Variants in XRCC4 observed in about 807,000 individuals in gnomAD.
The protein encoded by XRCC4 is DNA repair protein XRCC4.
In XRCC4, 28 loss-of-function variants were observed where a neutral mutation model predicts 39.1. The observed-to-expected ratio is 0.72, with a 90% confidence interval of 0.53 to 0.98. The LOEUF is 0.98. Ranked by LOEUF, XRCC4 falls within the 50% of genes least tolerant of loss-of-function variation. XRCC4 has a pLI of 0.00. For synonymous variants in XRCC4, 123 were observed against 126.4 expected, an observed-to-expected ratio of 0.97 and a Z score of 0.18; for missense variants, 350 against 376.4, an observed-to-expected ratio of 0.93 and a Z score of 0.58.
intron 6 of XRCC4, among the ~76,000 whole-genome samples, chr5:83,226,001 G>T (rs1752274832): frequency 6.6e-6 from 1 of 151,984 alleles, no homozygotes; most frequent in African/African-American, 2.4e-5. Flanking sequence ...GGCTTTTAAT[G>T]TGTGTCCGAA....
chr5:83,232,091 A>G (rs1205373154), intron 6 of XRCC4, among the ~76,000 whole-genome samples: 1 of 152,066 alleles, frequency 6.6e-6, no homozygotes, highest in Non-Finnish European at 1.5e-5. Context: ...TTCTCTTTCC[A>G]TGAAACCATA....
rs760065288 is a variant in XRCC4 at position 83,233,543 on chromosome 5, T to TTA, written c.746-24973_746-24972dup. Among the ~76,000 whole-genome samples, 699 of 150,186 alleles carry TTA rather than the reference T, an allele frequency of 4.7e-3. 5 individuals are homozygous for TTA. The highest frequency in any genetic ancestry group is 0.042 in the Middle Eastern group (12 of 288). On this transcript the variant is annotated intron_variant, in intron 6 of 7. Coordinates refer to ENST00000396027, the MANE Select transcript of XRCC4 (RefSeq NM_003401.5). The stretch of plus-strand genomic sequence containing the variant: ...GAAAAGGACAGATCCTCTCTTGGAT[T>TTA]TATATATATATATATTATGCAGAAA...
chr5:83,087,746 ATT>A (rs1242608497), intron 1 of XRCC4, among the ~76,000 whole-genome samples: 1 of 152,176 alleles, frequency 6.6e-6, no homozygotes, highest in Non-Finnish European at 1.5e-5. Flanking sequence ...ACACAAAAAA[ATT>A]AATACAATCT....
At chr5:83,219,846 T>C (rs1478835660) in intron 6 of XRCC4, among the ~76,000 whole-genome samples, 1 of 152,192 alleles carries the variant, frequency 6.6e-6, no homozygotes, top group Non-Finnish European at 1.5e-5. Flanking sequence ...AACATATTCT[T>C]TTTCTTTTTC....
intron 3 of XRCC4, among the ~76,000 whole-genome samples, chr5:83,167,601 A>G (rs1471906147): frequency 3.3e-5 from 5 of 152,148 alleles, no homozygotes; most frequent in Non-Finnish European, 7.3e-5. Flanking sequence ...TTGTGTGGTG[A>G]TAGGAGATAA....
the XRCC4 span, among the ~76,000 whole-genome samples, chr5:83,363,192 G>T: frequency 6.6e-6 from 1 of 152,080 alleles, no homozygotes; most frequent in Non-Finnish European, 1.5e-5. Context: ...GATAGATGAA[G>T]TTTGAGCTGA....
intron 6 of XRCC4, 122 bp downstream of exon 6, chr5:83,205,043 A>G (rs1751366422): frequency 3.0e-6 from 2 of 665,178 alleles, no homozygotes; most frequent in East Asian, 2.9e-5. Context: ...ATTCTTTAGC[A>G]TTTTTATTTT....
At chr5:83,251,026 T>C (rs989843243) in intron 6 of XRCC4, among the ~76,000 whole-genome samples, 2 of 152,204 alleles carry the variant, frequency 1.3e-5, no homozygotes, top group African/African-American at 4.8e-5. Flanking sequence ...TATAAACTTT[T>C]TGAATGCATG....
intron 2 of XRCC4, among the ~76,000 whole-genome samples, chr5:83,105,788 TG>T (rs1235347695): frequency 2.0e-5 from 3 of 152,170 alleles, no homozygotes; most frequent in African/African-American, 4.8e-5. Flanking sequence ...AGTTATGTTG[TG>T]AATAATGTTT....
At chr5:83,354,301 C>G (rs1010029561), downstream of XRCC4, among the ~76,000 whole-genome samples, 3 of 152,132 alleles carry the variant, frequency 2.0e-5, no homozygotes, top group African/African-American at 7.2e-5. Flanking sequence ...CTCCTTTGCC[C>G]AATAGTTAAA....
At chr5:83,131,014 T>G (rs1057385243) in intron 3 of XRCC4, among the ~76,000 whole-genome samples, 1 of 152,158 alleles carries the variant, frequency 6.6e-6, no homozygotes, top group Non-Finnish European at 1.5e-5. Flanking sequence ...TCTGCTAGCT[T>G]TTGAATATGT....
At chr5:83,209,607 A>G (rs1751561550) in intron 6 of XRCC4, among the ~76,000 whole-genome samples, 1 of 152,110 alleles carries the variant, frequency 6.6e-6, no homozygotes, top group South Asian at 2.1e-4. Flanking sequence ...TTTCTTGTGA[A>G]ACATTTTGAA....
chr5:83,103,011 TA>T (rs1426924583), intron 1 of XRCC4, among the ~76,000 whole-genome samples: 3 of 141,872 alleles, frequency 2.1e-5, no homozygotes, highest in Non-Finnish European at 4.6e-5. Flanking sequence ...ATAGAGCTGA[TA>T]TATATATATA....
intron 3 of XRCC4, among the ~76,000 whole-genome samples, chr5:83,156,695 A>G (rs1227630737): frequency 6.6e-6 from 1 of 152,122 alleles, no homozygotes; most frequent in Admixed American, 6.6e-5. Flanking sequence ...TTCTGTTAAT[A>G]TGGCAGAAAG....
At chr5:83,242,804 G>A (rs1051806138) in intron 6 of XRCC4, among the ~76,000 whole-genome samples, 1 of 152,014 alleles carries the variant, frequency 6.6e-6, no homozygotes, top group African/African-American at 2.4e-5. Context: ...CAACTAATGT[G>A]CCAAGCTAAC....
At chr5:83,157,850 T>A (rs1171535068) in intron 3 of XRCC4, among the ~76,000 whole-genome samples, 1 of 152,098 alleles carries the variant, frequency 6.6e-6, no homozygotes, top group East Asian at 1.9e-4. Flanking sequence ...GATAGAGAAG[T>A]TAATTTAATA....
At chr5:83,078,197 T>G (rs1387181690) in intron 1 of XRCC4, among the ~76,000 whole-genome samples, 2 of 152,240 alleles carry the variant, frequency 1.3e-5, no homozygotes, top group Admixed American at 6.5e-5. Context: ...AGTAGTAGTA[T>G]TTAGCTTTTT....
intron 3 of XRCC4, among the ~76,000 whole-genome samples, chr5:83,145,230 T>C (rs181285506): frequency 1.4e-4 from 22 of 152,328 alleles, no homozygotes; most frequent in Admixed American, 7.8e-4. Context: ...ACAGTGATAA[T>C]AGCTAATTAA....
chr5:83,115,206 T>C (rs941931436), intron 3 of XRCC4, among the ~76,000 whole-genome samples: 1 of 152,084 alleles, frequency 6.6e-6, no homozygotes, highest in Non-Finnish European at 1.5e-5. Flanking sequence ...GATGGGCGGA[T>C]CACCTGAGGT....
Sources: gnomAD v4.1 joint callset for allele counts (sites outside exome capture counted in the v4.1 genomes callset) on GRCh38, gnomAD v4.1.1 for gene constraint, MANE v1.5 for transcripts, NCBI Gene and HGNC (gene_info 2026-07-23, HGNC 2026-07-21) for gene names.